The following SFI1 variants were observed in gnomAD, a reference collection of about 807,000 sequenced individuals.
SFI1 encodes SFI1 centrin binding protein.
SFI1 carries 195 observed loss-of-function variants against 207.5 expected under a neutral mutation model. That is an observed-to-expected ratio of 0.94 (90% CI 0.84 to 1.06). The LOEUF is 1.06. Ranked by LOEUF, SFI1 falls within the 50% of genes least tolerant of loss-of-function variation. SFI1 has a pLI of 0.00. For synonymous variants in SFI1, 630 were observed against 598.9 expected, an observed-to-expected ratio of 1.05 and a Z score of -0.76; for missense variants, 1,634 against 1,588.0, an observed-to-expected ratio of 1.03 and a Z score of -0.49.
At chr22:31,564,814 A>ATTTT (rs776647555) in intron 8 of SFI1, among the ~76,000 whole-genome samples, 5 of 111,910 alleles carry the variant, frequency 4.5e-5, no homozygotes, top group African/African-American at 1.5e-4. Context: ...CTGGCCCAGA[A>ATTTT]TTTTTTTTTT....
intron 12 of SFI1, among the ~76,000 whole-genome samples, chr22:31,583,445 G>A (rs1450288189): frequency 6.6e-6 from 1 of 152,108 alleles, no homozygotes; most frequent in African/African-American, 2.4e-5. Flanking sequence ...TTATCTGATT[G>A]TTTCCTTTTG....
intron 7 of SFI1, among the ~76,000 whole-genome samples, chr22:31,558,468 A>T (rs2061376664): frequency 6.9e-6 from 1 of 143,990 alleles, no homozygotes. Flanking sequence ...GTCTGAGTGA[A>T]TTTTTTTTTT....
chr22:31,522,702 C>A (rs2057420850), intron 2 of SFI1, among the ~76,000 whole-genome samples: 1 of 152,126 alleles, frequency 6.6e-6, no homozygotes, highest in East Asian at 1.9e-4. Flanking sequence ...TGTCACCAGG[C>A]TGGAGTGCAG....
In SFI1 at chr22:31,561,292, T is replaced by C; in HGVS notation, c.665T>C (p.Val222Ala). The change falls in exon 8 of 33, where the codon GTG becomes GCG. Residue 222 changes from valine to alanine, a missense_variant and splice_region_variant. Val to Ala is a moderately conservative substitution (Grantham distance 64). Transcript: ENST00000400288. ...ATCTTTGATTTGCTGTTTCACAGGG[T>C]GTGGTGGAGCACGTGGAGGCAGCGA... ...LEFRQRIILR[V>A]WWSTWRQRLG... 2 of 1,613,788 alleles carry C rather than the reference T, an allele frequency of 1.2e-6. No homozygotes were observed. Among genetic ancestry groups the C allele is most frequent in the Non-Finnish European group, 1.7e-6 (2 of 1,179,796 alleles).
At chr22:31,503,021 C>T (rs1221511239) in intron 1 of SFI1, among the ~76,000 whole-genome samples, 1 of 132,376 alleles carries the variant, frequency 7.6e-6, no homozygotes, top group Non-Finnish European at 1.5e-5. Flanking sequence ...AGCCACTGCA[C>T]TGCAGCCTGG....
chr22:31,576,856 G>A (rs994528448), intron 10 of SFI1, among the ~76,000 whole-genome samples: 3 of 152,044 alleles, frequency 2.0e-5, no homozygotes, highest in Admixed American at 6.6e-5. Context: ...TAGTCAGGCT[G>A]GTCTCAAACT....
intron 15 of SFI1, among the ~76,000 whole-genome samples, chr22:31,595,825 G>C (rs2067019641): frequency 6.6e-6 from 1 of 152,188 alleles, no homozygotes; most frequent in South Asian, 2.1e-4. Context: ...ATATTCGAAA[G>C]ATATTTGAGC....
intron 1 of SFI1, among the ~76,000 whole-genome samples, chr22:31,498,896 T>C (rs1171812584): frequency 2.0e-5 from 3 of 149,862 alleles, no homozygotes; most frequent in Admixed American, 6.7e-5. Flanking sequence ...TTCACTCTTA[T>C]TGCCCAGGCT....
chr22:31,505,205 G>A (rs1168446741), intron 1 of SFI1, among the ~76,000 whole-genome samples: 1 of 152,050 alleles, frequency 6.6e-6, no homozygotes, highest in African/African-American at 2.4e-5. Flanking sequence ...TTGGGAGGCC[G>A]AGGTGGGCAG....
intron 3 of SFI1, chr22:31,530,545 T>C: frequency 2.3e-6 from 1 of 428,444 alleles, no homozygotes; most frequent in Non-Finnish European, 4.7e-6. Context: ...TACCAGACAC[T>C]GTGCTAGGTA....
At position 31,546,864 on chromosome 22, in the gene SFI1, T is replaced by G. The variant is rs770106990; in HGVS notation, c.342T>G (p.Phe114Leu). The change falls in exon 5 of 33, where the codon TTT becomes TTG. Residue 114 changes from phenylalanine to leucine, a missense_variant. Transcript: ENST00000400288. ...FGRVFPSKAR[F>L]YYEQRLLRKV... ...TATGATTTTTTTTTTGCCGTAGATT[T>G]TACTATGAGCAGCGATTACTACGGA... is the stretch of plus-strand genomic sequence containing the variant. 1.3e-6 allele frequency: 2 copies of G among 1,596,596 alleles called. No individual in the cohort carries two copies. Among genetic ancestry groups the G allele is most frequent in the Non-Finnish European group, 1.7e-6 (2 of 1,171,544 alleles).
intron 23 of SFI1, 81 bp downstream of exon 23, chr22:31,611,384 G>C (rs1251113507): frequency 6.8e-7 from 1 of 1,462,248 alleles, no homozygotes; most frequent in Non-Finnish European, 9.1e-7. Flanking sequence ...TCTCAGGAAG[G>C]GGTCTTTCCT....
At chr22:31,601,693 C>G (rs967813603) in intron 15 of SFI1, among the ~76,000 whole-genome samples, 5 of 152,180 alleles carry the variant, frequency 3.3e-5, no homozygotes, top group African/African-American at 7.2e-5. Flanking sequence ...CAGAAACAAC[C>G]TGGAAAATGT....
chr22:31,594,876 AATT>A (rs2066859202), intron 15 of SFI1, among the ~76,000 whole-genome samples: 3 of 150,712 alleles, frequency 2.0e-5, no homozygotes, highest in South Asian at 2.1e-4. Context: ...AAAAAAAAAA[AATT>A]AGAAAGCTCA....
rs1161846940 is a variant in SFI1, at chr22:31,582,236, A to ATTTTTT, written c.1249-1613_1249-1608dup. On this transcript the variant is annotated intron_variant, in intron 12 of 32. Coordinates refer to ENST00000400288, the MANE Select transcript of SFI1 (RefSeq NM_001007467.3). ...TATATATATATATATATATATATATATTTTTTTTTTTTTTTTTTTTTTTTT... is the reference window on the plus strand; with the variant it reads ...TATATATATATATATATATATATATATTTTTTTTTTTTTTTTTTTTTTTTTTTTTTT... 5.9e-3 allele frequency among the ~76,000 whole-genome samples: 60 copies of ATTTTTT among 10,140 alleles called. 13 individuals are homozygous for ATTTTTT. Among genetic ancestry groups the ATTTTTT allele is most frequent in the South Asian group, 8.3e-3 (1 of 120 alleles). The allele number at this position is 10,140 out of a possible 152,430, so 6.7% of individuals were successfully genotyped here. A position where few individuals can be genotyped will look rare whatever the true frequency, so the allele number is the denominator to read the frequency against.
intron 1 of SFI1, among the ~76,000 whole-genome samples, chr22:31,500,424 T>C (rs2053547747): frequency 6.6e-6 from 1 of 152,118 alleles, no homozygotes; most frequent in Non-Finnish European, 1.5e-5. Context: ...AATCAGATAA[T>C]TGTTAGCATT....
intron 15 of SFI1, among the ~76,000 whole-genome samples, chr22:31,589,786 A>T (rs62237805): frequency 0.047 from 6,862 of 145,126 alleles, 135 homozygotes; most frequent in African/African-American, 0.056. Flanking sequence ...ATCTTTATTT[A>T]TTTATTTTTT....
At chr22:31,578,736 C>T (rs2063779945) in intron 11 of SFI1, among the ~76,000 whole-genome samples, 1 of 152,128 alleles carries the variant, frequency 6.6e-6, no homozygotes, top group Non-Finnish European at 1.5e-5. Context: ...GGAAGCCTCA[C>T]CTATAAAATA....
chr22:31,607,445 A>G (rs575442965), intron 21 of SFI1, among the ~76,000 whole-genome samples: 21 of 152,106 alleles, frequency 1.4e-4, no homozygotes, highest in African/African-American at 4.8e-4. Flanking sequence ...TCTACTAAAA[A>G]TACAGAAATT....
Sources: gnomAD v4.1 joint callset for allele counts (sites outside exome capture counted in the v4.1 genomes callset) on GRCh38, gnomAD v4.1.1 for gene constraint, MANE v1.5 for transcripts, NCBI Gene and HGNC (gene_info 2026-07-23, HGNC 2026-07-21) for gene names.